GRID2: variants seen among roughly 807,000 people sequenced by gnomAD.
GRID2 encodes the protein glutamate ionotropic receptor delta type subunit 2, also known as glutamate receptor ionotropic, delta-2.
A neutral mutation model predicts 114.8 loss-of-function variants in GRID2; 33 were observed. The observed-to-expected ratio is 0.29, with a 90% CI of 0.22 to 0.38. The LOEUF (loss-of-function observed/expected upper bound fraction) is 0.38, where lower values mean the gene tolerates loss of function less well. GRID2 is among the 10% of genes least tolerant of loss of function. GRID2 has a pLI of 1.00. For missense variants in GRID2, 1,184 were observed against 1,257.7 expected (o/e 0.94, Z 0.89); for synonymous variants, 505 against 449.9 (o/e 1.12, Z -1.55).
chr4:93,069,461 T>C (rs566361254), intron 2 of GRID2, among the ~76,000 whole-genome samples: 1 of 152,034 alleles, frequency 6.6e-6, no homozygotes, highest in South Asian at 2.1e-4. Context: ...ATCATACTGC[T>C]ATCACTGTAA....
chr4:92,665,049 A>G (rs898950432), intron 2 of GRID2, among the ~76,000 whole-genome samples: 5 of 150,484 alleles, frequency 3.3e-5, no homozygotes, highest in African/African-American at 1.2e-4. Flanking sequence ...CTGATAAGGA[A>G]AATCTTCTGT....
chr4:92,583,531 G>T (rs1359092003), intron 1 of GRID2, among the ~76,000 whole-genome samples: 1 of 151,778 alleles, frequency 6.6e-6, no homozygotes, highest in African/African-American at 2.4e-5. Context: ...TGCCTGCAAG[G>T]ATATTAGCAT....
At chr4:92,424,939 A>G (rs1383117366) in intron 1 of GRID2, among the ~76,000 whole-genome samples, 1 of 151,936 alleles carries the variant, frequency 6.6e-6, no homozygotes, top group African/African-American at 2.4e-5. Flanking sequence ...AATGGAAAAA[A>G]CATAGTTCTC....
At chr4:92,756,520 T>C (rs944088979) in intron 2 of GRID2, among the ~76,000 whole-genome samples, 9 of 152,168 alleles carry the variant, frequency 5.9e-5, no homozygotes, top group Non-Finnish European at 1.0e-4. Context: ...GAAATATCTA[T>C]ATTGTTTTCT....
intron 13 of GRID2, among the ~76,000 whole-genome samples, chr4:93,535,113 C>T (rs1207625280): frequency 6.6e-6 from 1 of 151,786 alleles, no homozygotes; most frequent in Non-Finnish European, 1.5e-5. Context: ...TGAGATCATG[C>T]AGTATGTCTT....
chr4:93,749,674 A>G (rs574271038), intron 14 of GRID2, among the ~76,000 whole-genome samples: 1 of 152,184 alleles, frequency 6.6e-6, no homozygotes, highest in East Asian at 1.9e-4. Flanking sequence ...TCAAATAGCC[A>G]CCTCCGCTAT....
intron 2 of GRID2, among the ~76,000 whole-genome samples, chr4:93,012,865 G>A (rs994761511): frequency 2.6e-5 from 4 of 151,698 alleles, no homozygotes; most frequent in Admixed American, 6.6e-5. Context: ...ATATGCATGT[G>A]TATACGTGGG....
intron 1 of GRID2, among the ~76,000 whole-genome samples, chr4:92,575,307 C>T (rs1007945274): frequency 2.0e-5 from 3 of 152,184 alleles, no homozygotes; most frequent in African/African-American, 7.2e-5. Context: ...TTGAAGTCTA[C>T]TTCTGTCATT....
chr4:93,084,008 A>G (rs1203744572), intron 2 of GRID2, among the ~76,000 whole-genome samples: 1 of 152,182 alleles, frequency 6.6e-6, no homozygotes, highest in Non-Finnish European at 1.5e-5. Context: ...AAAACAATTT[A>G]TAATAAATTT....
chr4:92,520,616 C>A (rs1292079312), intron 1 of GRID2, among the ~76,000 whole-genome samples: 2 of 152,020 alleles, frequency 1.3e-5, no homozygotes, highest in African/African-American at 4.8e-5. Context: ...CTAATAGGCG[C>A]CCTAAAGATC....
intron 4 of GRID2, among the ~76,000 whole-genome samples, chr4:93,190,710 C>A (rs143609154): frequency 2.6e-5 from 4 of 152,008 alleles, no homozygotes; most frequent in Non-Finnish European, 5.9e-5. Context: ...ATATGACCTA[C>A]GCTATTTCCT....
At chr4:92,943,131 AG>A (rs1448432146) in intron 2 of GRID2, among the ~76,000 whole-genome samples, 2 of 152,092 alleles carry the variant, frequency 1.3e-5, no homozygotes, top group African/African-American at 4.8e-5. Context: ...TGCTAGATTG[AG>A]GAAGTTCTCC....
At chr4:93,557,304 A>G (rs555540827) in intron 13 of GRID2, among the ~76,000 whole-genome samples, 2 of 152,308 alleles carry the variant, frequency 1.3e-5, no homozygotes, top group East Asian at 1.9e-4. Flanking sequence ...GGCAAATTGG[A>G]TAGAGTCAAG....
At chr4:93,221,856 A>G (rs1744915258) in intron 6 of GRID2, among the ~76,000 whole-genome samples, 1 of 152,146 alleles carries the variant, frequency 6.6e-6, no homozygotes, top group African/African-American at 2.4e-5. Context: ...TCATTTATTG[A>G]AAATGCCTGT....
intron 1 of GRID2, among the ~76,000 whole-genome samples, chr4:92,572,728 G>A (rs1401875395): frequency 6.6e-6 from 1 of 152,030 alleles, no homozygotes; most frequent in East Asian, 1.9e-4. Flanking sequence ...GTTTAGCAGT[G>A]TTTTGTTGAG....
chr4:92,670,573 A>G (rs1457300220), intron 2 of GRID2, among the ~76,000 whole-genome samples: 3 of 152,106 alleles, frequency 2.0e-5, no homozygotes, highest in African/African-American at 4.8e-5. Context: ...TTATTAATAC[A>G]TATAGAGTAA....
At chr4:92,813,697 T>G (rs1329315062) in intron 2 of GRID2, among the ~76,000 whole-genome samples, 1 of 151,968 alleles carries the variant, frequency 6.6e-6, no homozygotes, top group African/African-American at 2.4e-5. Flanking sequence ...CTTTTTAAGA[T>G]GTAAGCATAT....
At chr4:92,448,282 C>A (rs1733575708) in intron 1 of GRID2, among the ~76,000 whole-genome samples, 1 of 152,062 alleles carries the variant, frequency 6.6e-6, no homozygotes, top group African/African-American at 2.4e-5. Context: ...TCAAGTGATT[C>A]TCCTGTCTCA....
chr4:92,663,702 C>G (rs1732632307), intron 2 of GRID2, among the ~76,000 whole-genome samples: 1 of 151,022 alleles, frequency 6.6e-6, no homozygotes, highest in African/African-American at 2.4e-5. Context: ...TGGTCTTAAA[C>G]ACATTAATGT....
Sources: allele counts gnomAD v4.1 joint callset (sites outside exome capture counted in the v4.1 genomes callset), GRCh38; gene constraint gnomAD v4.1.1; transcripts MANE v1.5; gene names NCBI Gene and HGNC (gene_info 2026-07-23, HGNC 2026-07-21).